The following SPTBN5 variants were observed in gnomAD, a reference collection of about 807,000 sequenced individuals.
The protein encoded by SPTBN5 is spectrin beta, non-erythrocytic 5.
A neutral mutation model predicts 477.6 loss-of-function variants in SPTBN5; 513 were observed. That is an observed-to-expected ratio of 1.07 (90% confidence interval 1.00 to 1.16). SPTBN5 has a LOEUF of 1.16. Ranked by LOEUF, SPTBN5 falls within the 50% of genes most tolerant of loss-of-function variation. SPTBN5 has a pLI of 0.00. For synonymous variants in SPTBN5, 2,169 were observed against 2,011.7 expected (o/e 1.08, Z -2.09); for missense variants, 5,062 against 4,731.8 (o/e 1.07, Z -2.05).
chr15:41,858,388 T>C (rs550344584), intron 49 of SPTBN5, among the ~76,000 whole-genome samples: 1 of 152,306 alleles, frequency 6.6e-6, no homozygotes, highest in Admixed American at 6.5e-5. Flanking sequence ...AATGAAAAGC[T>C]GCCATTTTTG....
intron 67 of SPTBN5, among the ~76,000 whole-genome samples, chr15:41,849,635 G>T (rs140849862): frequency 6.6e-6 from 1 of 152,296 alleles, no homozygotes; most frequent in Non-Finnish European, 1.5e-5. Flanking sequence ...CCACACTAGA[G>T]CCTGGAGTGA....
intron 31 of SPTBN5, 26 bp downstream of exon 31, chr15:41,870,217 T>A: frequency 6.5e-7 from 1 of 1,541,818 alleles, no homozygotes; most frequent in Non-Finnish European, 8.7e-7. Context: ...GGGGCCTGGG[T>A]CGGAGAGGCA....
rs375071219 is a variant in SPTBN5, at chr15:41,855,668, G to A, written c.9099C>T (p.Ala3033=). The change falls in exon 54 of 68, where the codon GCC becomes GCT. Residue 3033 remains alanine, a synonymous_variant. Coordinates refer to ENST00000320955, the MANE Select transcript of SPTBN5 (RefSeq NM_016642.4). Reference sequence around the variant, plus strand: ...CCAGCCGCCGCAGAAGGGCCTGTGTGGCTTCAGCACTGTGGCCCATGTCCT... The same window carrying A: ...CCAGCCGCCGCAGAAGGGCCTGTGTAGCTTCAGCACTGTGGCCCATGTCCT... ...DSEDMGHSAE[A]TQALLRRLEA... The A allele has an allele frequency of 1.2e-6, 2 of 1,606,194 alleles. No homozygotes were observed. The highest frequency in any genetic ancestry group is 1.1e-5 in the South Asian group (1 of 90,164).
intron 53 of SPTBN5, 99 bp downstream of exon 53, chr15:41,856,287 C>CG: frequency 3.5e-6 from 4 of 1,140,200 alleles, no homozygotes; most frequent in Non-Finnish European, 4.8e-6. Context: ...GTGGAGGAGA[C>CG]GAAAGGTGCC....
intron 61 of SPTBN5, 114 bp downstream of exon 61, chr15:41,852,520 G>T (rs556781856): frequency 2.2e-6 from 3 of 1,343,182 alleles, no homozygotes; most frequent in Admixed American, 3.4e-5. Context: ...CCAGGGAAAG[G>T]AGCAGGTAAG....
At chr15:41,872,272 C>T (rs1394855190) in intron 27 of SPTBN5, 30 bp downstream of exon 27, 4 of 1,601,038 alleles carry the variant, frequency 2.5e-6, no homozygotes, top group Non-Finnish European at 3.4e-6. Context: ...CTCCTGTACC[C>T]ACTGATGAGA....
chr15:41,875,485 C>T lies in SPTBN5; in HGVS notation c.4260G>A (p.Gln1420=). ...ERGDELQQAG[Q]QEQLLRQLQD... is the part of the protein sequence containing the mutation. ...GCAGCTGCCTCAGGAGTTGCTCCTG[C>T]TGTCCAGCCTGCTGGAGCTCGTCCC... is the stretch of plus-strand genomic sequence containing the variant. The change falls in exon 22 of 68, where the codon CAG becomes CAA. Residue 1420 remains glutamine (Q), a synonymous_variant. Transcript: ENST00000320955. The T allele has an allele frequency of 1.2e-6, 2 of 1,612,466 alleles. No homozygotes were observed. The highest frequency in any genetic ancestry group is 1.7e-6 in the Non-Finnish European group (2 of 1,179,508).
intron 51 of SPTBN5, 48 bp from the exon 52 acceptor site, chr15:41,857,087 A>C: frequency 6.4e-7 from 1 of 1,551,994 alleles, no homozygotes; most frequent in Non-Finnish European, 8.7e-7. Context: ...CCAGGGTGTC[A>C]GTATTAGGGA....
rs1307647903 is a variant in SPTBN5, at chr15:41,861,508, G to C, written c.7738-12C>G. ...GAGCTCAGAAACAGCTGAGAACAAA[G>C]GAAAAGGCAAGAGACAGTCGGTGGA... On this transcript the variant is annotated splice_polypyrimidine_tract_variant and intron_variant, in intron 45 of 67. Coordinates refer to ENST00000320955, the MANE Select transcript of SPTBN5 (RefSeq NM_016642.4). 5.0e-6 allele frequency: 8 copies of C among 1,613,166 alleles called. No individual in the cohort carries two copies. In the African/African-American group the frequency reaches 5.3e-5, roughly 11 times the overall value.
At position 41,853,575 on chromosome 15, in the gene SPTBN5, C is replaced by T. The variant is rs2065843772; in HGVS notation, c.9980+7G>A. The stretch of plus-strand genomic sequence containing the variant: ...AGCTGAGCCGGCAGCTGAGGTAGGA[C>T]ACCTACAGCAGTTCCTGGCAGCGCC... On this transcript the variant is annotated splice_region_variant and intron_variant, in intron 58 of 67. Transcript: ENST00000320955. 1 of 1,563,884 alleles carries T rather than the reference C, an allele frequency of 6.4e-7. No homozygotes were observed. Among genetic ancestry groups the T allele is most frequent in the Non-Finnish European group, 8.7e-7 (1 of 1,151,356 alleles).
rs1300142760 is a variant in SPTBN5, at chr15:41,863,804, T to C, written c.7049A>G (p.His2350Arg). 1.2e-6 allele frequency: 2 copies of C among 1,613,872 alleles called. No individual in the cohort carries two copies. The highest frequency in any genetic ancestry group is 1.1e-5 in the South Asian group (1 of 91,084). Residue 2350 changes from histidine (H) to arginine (R), a missense_variant, in exon 41 of 68, where the codon CAT becomes CGT. By Grantham distance (29) the His-to-Arg change is conservative (BLOSUM62 0). Coordinates refer to ENST00000320955, the MANE Select transcript of SPTBN5 (RefSeq NM_016642.4). ...SQLNNRWASF[H>R]GNLLRYQQQL... ...CTGCTGGTACCGGAGCAAGTTGCCA[T>C]GGAAACTCGCCCACCTGGCCAAGGG...
Position 41,879,248 on chromosome 15 carries a change from C to T in SPTBN5, c.3182+12G>A, listed in dbSNP as rs754016744. 11 of 1,603,346 alleles carry T rather than the reference C, an allele frequency of 6.9e-6. No individual in the cohort carries two copies. Among genetic ancestry groups the T allele is most frequent in the Middle Eastern group, 1.7e-4 (1 of 5,716 alleles). On this transcript the variant is annotated intron_variant, in intron 16 of 67. Transcript: ENST00000320955. ...TCACTGCCTCCCAATGCCACCACTGCGCTGGCCGTACTTTACGACCACACT... is the reference window on the plus strand; with the variant it reads ...TCACTGCCTCCCAATGCCACCACTGTGCTGGCCGTACTTTACGACCACACT...
At position 41,851,744 on chromosome 15, in the gene SPTBN5, G is replaced by C. The variant is rs777211894; in HGVS notation, c.10656+35C>G. 58 of 1,546,568 alleles carry C rather than the reference G, an allele frequency of 3.8e-5. 1 individual carries two copies. The African/African-American group carries it at 3.8e-4, about 10-fold the overall frequency. On this transcript the variant is annotated intron_variant, in intron 63 of 67. Transcript: ENST00000320955. ...GCCACTCAAGTGCTGCTGCAAGTGG[G>C]GAGCTGCCTGGAGAAGGAATCTCCA... is the stretch of plus-strand genomic sequence containing the variant.
chr15:41,857,251 G>A lies in SPTBN5; in HGVS notation c.8608C>T (p.Arg2870Trp), dbSNP rs367976253. 4.3e-5 allele frequency: 68 copies of A among 1,582,666 alleles called. No individual in the cohort carries two copies. Among genetic ancestry groups the A allele is most frequent in the South Asian group, 1.7e-4 (15 of 87,180 alleles). The stretch of plus-strand genomic sequence containing the variant: ...GGGTGGATCTACCTCTGAAGCAGCC[G>A]CCGGGCCTGCTCTTCCACATCTTGG... ...LAQDVEEQAR[R>W]LLQRFKSLRE... The change falls in exon 51 of 68, where the codon CGG becomes TGG. Residue 2870 changes from arginine (R) to tryptophan (W), a missense_variant. Physicochemically the swap from Arg to Trp is moderately radical, Grantham distance 101 (BLOSUM62 -3). Coordinates refer to ENST00000320955, the MANE Select transcript of SPTBN5 (RefSeq NM_016642.4).
intron 13 of SPTBN5, among the ~76,000 whole-genome samples, 153 bp from the exon 14 acceptor site, chr15:41,880,465 A>T (rs186723657): frequency 2.6e-4 from 39 of 152,214 alleles, no homozygotes; most frequent in African/African-American, 9.4e-4. Flanking sequence ...TGGGCCCCAC[A>T]TCCTCTCTCA....
chr15:41,865,557 C>T (rs1022207797), intron 39 of SPTBN5, among the ~76,000 whole-genome samples: 2 of 152,192 alleles, frequency 1.3e-5, no homozygotes, highest in African/African-American at 4.8e-5. Flanking sequence ...TAGGTCTATG[C>T]AGTTTTATCA....
Position 41,857,311 on chromosome 15 carries a change from C to A in SPTBN5, c.8548G>T (p.Ala2850Ser). Reference protein sequence around the residue: ...ARQAEALLGQAQAFVREGHCL... With the variant: ...ARQAEALLGQSQAFVREGHCL... ...TGGCCTTCCCTCACAAAGGCCTGGGCCTGGCCCAGCAGTGCCTCAGCCTGC... is the reference window on the plus strand; with the variant it reads ...TGGCCTTCCCTCACAAAGGCCTGGGACTGGCCCAGCAGTGCCTCAGCCTGC... The change falls in exon 51 of 68, where the codon GCC becomes TCC. Residue 2850 changes from alanine (A) to serine (S), a missense_variant. Transcript: ENST00000320955. The A allele has an allele frequency of 6.4e-7, 1 of 1,568,130 alleles. No individual in the cohort carries two copies. The highest frequency in any genetic ancestry group is 1.2e-5 in the South Asian group (1 of 85,510).
rs2065964010 is a variant in SPTBN5 at position 41,857,585 on chromosome 15, C to T, written c.8352G>A (p.Gln2784=). The change falls in exon 50 of 68, where the codon CAG becomes CAA. Residue 2784 remains glutamine, a synonymous_variant. Transcript: ENST00000320955. ...DNSQKKVAKL[Q]KACEALRLRR... is the part of the protein sequence containing the mutation. ...TGCACAACCTCACCTCACAGGCCTTCTGGAGCTTGGCCACCTTCTTCTGGG... is the reference window on the plus strand; with the variant it reads ...TGCACAACCTCACCTCACAGGCCTTTTGGAGCTTGGCCACCTTCTTCTGGG... 1.9e-6 allele frequency: 3 copies of T among 1,609,406 alleles called. No individual in the cohort carries two copies. In the South Asian group the frequency reaches 3.3e-5, roughly 18 times the overall value.
At position 41,877,156 on chromosome 15, in the gene SPTBN5, C is replaced by T. The variant is rs1412451039; in HGVS notation, c.3671G>A (p.Cys1224Tyr). Residue 1224 changes from cysteine (C) to tyrosine (Y), a missense_variant, in exon 18 of 68, where the codon TGT becomes TAT. Transcript: ENST00000320955. ...GTGCAGCCAGGCCTGGTGGTTGGCA[C>T]AGGTGGCAGTGAAACCATCCACTTC... Reference protein sequence around the residue: ...GREVDGFTATCANHQAWLHLD... With the variant: ...GREVDGFTATYANHQAWLHLD... 6.2e-7 allele frequency: 1 copy of T among 1,614,000 alleles called. No individual in the cohort carries two copies. Among genetic ancestry groups the T allele is most frequent in the Admixed American group, 1.7e-5 (1 of 60,028 alleles).
Sources: gnomAD v4.1 joint callset for allele counts (sites outside exome capture counted in the v4.1 genomes callset) on GRCh38, gnomAD v4.1.1 for gene constraint, MANE v1.5 for transcripts, NCBI Gene and HGNC (gene_info 2026-07-23, HGNC 2026-07-21) for gene names.